CPE: variants seen among roughly 807,000 people sequenced by gnomAD.
CPE encodes carboxypeptidase E, also known as carbocypeptidase E.
A neutral mutation model predicts 53.5 loss-of-function variants in CPE; 17 were observed. That is an observed-to-expected ratio of 0.32 (90% CI 0.22 to 0.48). CPE has a LOEUF of 0.48. Ranked by LOEUF, CPE falls within the 20% of genes least tolerant of loss-of-function variation. The probability of loss-of-function intolerance (pLI) is 0.99; values close to 1 mark genes in which losing one functional copy is unlikely to be tolerated. For synonymous variants in CPE, 226 were observed against 228.8 expected, an observed-to-expected ratio of 0.99 and a Z score of 0.11; for missense variants, 524 against 614.7, an observed-to-expected ratio of 0.85 and a Z score of 1.56.
chr4:165,439,920 A>G (rs1179056450), intron 1 of CPE, among the ~76,000 whole-genome samples: 1 of 152,198 alleles, frequency 6.6e-6, no homozygotes, highest in Non-Finnish European at 1.5e-5. Flanking sequence ...AGCCCATTAA[A>G]TGAACAAAAT....
chr4:165,387,765 A>G (rs1206708734), intron 1 of CPE, among the ~76,000 whole-genome samples: 2 of 152,152 alleles, frequency 1.3e-5, no homozygotes, highest in East Asian at 1.9e-4. Context: ...GCGAGATCGC[A>G]CCACTGCACT....
intron 1 of CPE, among the ~76,000 whole-genome samples, chr4:165,392,757 C>T (rs1445450623): frequency 6.8e-6 from 1 of 148,054 alleles, no homozygotes; most frequent in African/African-American, 2.5e-5. Context: ...AAATCAGCCT[C>T]AAAGGACAAC....
chr4:165,441,873 T>C (rs1731616262), intron 1 of CPE, among the ~76,000 whole-genome samples: 1 of 152,202 alleles, frequency 6.6e-6, no homozygotes, highest in Non-Finnish European at 1.5e-5. Flanking sequence ...TCTTTTTGGC[T>C]GGTAGAGGAA....
At chr4:165,443,025 C>A (rs1040837161) in intron 1 of CPE, among the ~76,000 whole-genome samples, 1 of 152,098 alleles carries the variant, frequency 6.6e-6, no homozygotes, top group Non-Finnish European at 1.5e-5. Flanking sequence ...AGTAGACTTT[C>A]AATAAACACT....
intron 1 of CPE, among the ~76,000 whole-genome samples, chr4:165,396,889 A>C (rs1043717429): frequency 2.0e-5 from 3 of 150,322 alleles, no homozygotes; most frequent in African/African-American, 7.3e-5. Flanking sequence ...GTCGCCACAA[A>C]AAAAAAAAAA....
At chr4:165,417,740 G>T (rs10027722) in intron 1 of CPE, among the ~76,000 whole-genome samples, 2 of 149,408 alleles carry the variant, frequency 1.3e-5, no homozygotes. Context: ...CTTAAGTTCA[G>T]TTCCTTTTAT....
chr4:165,452,336 G>C (rs1047474072), intron 1 of CPE, among the ~76,000 whole-genome samples: 9 of 152,078 alleles, frequency 5.9e-5, no homozygotes, highest in Non-Finnish European at 8.8e-5. Flanking sequence ...TGAGGTGATG[G>C]ATATCCTAGT....
rs114114254 is a variant in CPE at position 165,399,970 on chromosome 4, T to C, written c.307+20442T>C. 2.1e-3 allele frequency among the ~76,000 whole-genome samples: 313 copies of C among 152,292 alleles called. 2 individuals are homozygous for C. The highest frequency in any genetic ancestry group is 7.0e-3 in the African/African-American group (291 of 41,546). On this transcript the variant is annotated intron_variant, in intron 1 of 8. Transcript: ENST00000402744. ...TGTTCAGAGGATAATAACAGAGCAC[T>C]TTGTGCTTAGACCTTACTGTACATG...
In CPE at chr4:165,379,380, C is replaced by T; in HGVS notation, c.159C>T (p.Tyr53=). The change falls in exon 1 of 9, where the codon TAC becomes TAT. Residue 53 remains tyrosine (Y), a synonymous_variant. Coordinates refer to ENST00000402744, the MANE Select transcript of CPE (RefSeq NM_001873.4). The surrounding 1 kb of genome is among the most constrained non-coding windows in gnomAD (Gnocchi z 6.0). ...LQQEDGISFE[Y]HRYPELREAL... ...AAGAGGACGGCATCTCCTTCGAGTA[C>T]CACCGCTACCCCGAGCTGCGCGAGG... is the stretch of plus-strand genomic sequence containing the variant. 1 of 1,607,268 alleles carries T rather than the reference C, an allele frequency of 6.2e-7. No homozygotes were observed. The highest frequency in any genetic ancestry group is 8.5e-7 in the Non-Finnish European group (1 of 1,178,230).
In CPE at chr4:165,498,018, G is replaced by C. The variant is rs866605846; in HGVS notation, c.*408G>C. 1 of 152,456 alleles carries C rather than the reference G, an allele frequency of 6.6e-6. No individual in the cohort carries two copies. The highest frequency in any genetic ancestry group is 2.4e-5 in the African/African-American group (1 of 41,460). The allele number at this position is 152,456 out of a possible 1,614,324, so 9.4% of individuals were successfully genotyped here. ...GCTATTGAAAAGGTTAACAGATACA[G>C]CTCGGAGTTGTGAGCACTCTACTGC... On this transcript the variant is annotated 3_prime_UTR_variant, in exon 9 of 9. Coordinates refer to ENST00000402744, the MANE Select transcript of CPE (RefSeq NM_001873.4).
chr4:165,386,321 G>T (rs775988332), intron 1 of CPE: 1 of 488,020 alleles, frequency 2.0e-6, no homozygotes, highest in Non-Finnish European at 4.1e-6. Flanking sequence ...CTCTAGGATT[G>T]TATTTTGTTT....
chr4:165,433,250 A>C (rs6822471), intron 1 of CPE, among the ~76,000 whole-genome samples: 89,047 of 151,902 alleles, frequency 0.59, 26,532 homozygotes, highest in East Asian at 0.75. Context: ...TGAGGAACTT[A>C]ATTTTCATAC....
chr4:165,434,928 C>T (rs771937562), intron 1 of CPE, among the ~76,000 whole-genome samples: 3 of 151,918 alleles, frequency 2.0e-5, no homozygotes, highest in Non-Finnish European at 4.4e-5. Flanking sequence ...GCTCTTAGTC[C>T]CCTCAAAACC....
chr4:165,427,592 C>T (rs879368726), intron 1 of CPE, among the ~76,000 whole-genome samples: 9 of 152,120 alleles, frequency 5.9e-5, no homozygotes, highest in Non-Finnish European at 1.0e-4. Flanking sequence ...AGAACCTACA[C>T]ATATTTTGCA....
intron 1 of CPE, among the ~76,000 whole-genome samples, chr4:165,382,687 A>G (rs1730522217): frequency 6.6e-6 from 1 of 152,222 alleles, no homozygotes; most frequent in African/African-American, 2.4e-5. Flanking sequence ...CTAGAGGTTT[A>G]CTTTGTTAGA....
At chr4:165,445,336 A>AT (rs1229055292) in intron 1 of CPE, among the ~76,000 whole-genome samples, 10 of 146,990 alleles carry the variant, frequency 6.8e-5, no homozygotes, top group South Asian at 6.6e-4. Flanking sequence ...CTTTATTGGT[A>AT]TTTTTTTGTT....
intron 1 of CPE, among the ~76,000 whole-genome samples, chr4:165,410,312 A>G (rs943343738): frequency 9.2e-5 from 14 of 152,042 alleles, no homozygotes; most frequent in African/African-American, 2.9e-4. Context: ...TTCAATTTAT[A>G]AAAGAGTAAA....
intron 3 of CPE, among the ~76,000 whole-genome samples, chr4:165,475,212 T>A (rs1355072263): frequency 6.6e-6 from 1 of 152,062 alleles, no homozygotes. Context: ...ATAAGTGAGA[T>A]CCTTAAAGGG....
At chr4:165,384,057 G>A (rs149760756) in intron 1 of CPE, among the ~76,000 whole-genome samples, 5 of 152,284 alleles carry the variant, frequency 3.3e-5, no homozygotes, top group African/African-American at 1.2e-4. Context: ...GGTGGCAGAC[G>A]ACTCATTTGC....
Sources: gnomAD v4.1 joint callset for allele counts (sites outside exome capture counted in the v4.1 genomes callset) on GRCh38, gnomAD v4.1.1 for gene constraint, Gnocchi (gnomAD v3.1) non-coding constraint, MANE v1.5 for transcripts, NCBI Gene and HGNC (gene_info 2026-07-23, HGNC 2026-07-21) for gene names.